ZNF536: variants seen among roughly 807,000 people sequenced by gnomAD.
The protein encoded by ZNF536 is zinc finger protein 536.
A neutral mutation model predicts 84.5 loss-of-function variants in ZNF536; 13 were observed. That is an observed-to-expected ratio of 0.15 (90% CI 0.10 to 0.24). ZNF536 has a LOEUF of 0.24. ZNF536 is among the 10% of genes least tolerant of loss of function. The pLI, the probability that ZNF536 is intolerant of heterozygous loss-of-function variation, is 1.00. For synonymous variants in ZNF536, 811 were observed against 742.5 expected (o/e 1.09, Z -1.50); for missense variants, 1,536 against 1,747.5 (o/e 0.88, Z 2.16).
At chr19:30,695,301 AC>A (rs2051610130) in intron 1 of ZNF536, among the ~76,000 whole-genome samples, 1 of 152,052 alleles carries the variant, frequency 6.6e-6, no homozygotes, top group East Asian at 1.9e-4. Context: ...TGTGGGCTGA[AC>A]CCCCAGAAAG....
At position 30,491,336 on chromosome 19, in the gene ZNF536, G is replaced by T. The variant is rs2054501332; in HGVS notation, c.2171-43511G>T. Among the ~76,000 whole-genome samples, 4 of 152,206 alleles carry T rather than the reference G, an allele frequency of 2.6e-5. 1 individual carries two copies. In the South Asian group the frequency reaches 8.3e-4, roughly 32 times the overall value. Reference sequence around the variant, plus strand: ...GTCTCCTGTTCAGTAAATTTTTCTGGGTTAAGATTGTTCTTCCAAGTTTGT... The same window carrying T: ...GTCTCCTGTTCAGTAAATTTTTCTGTGTTAAGATTGTTCTTCCAAGTTTGT... On this transcript the variant is annotated intron_variant, in intron 2 of 4. Coordinates refer to ENST00000355537, the MANE Select transcript of ZNF536 (RefSeq NM_014717.3).
intron 2 of ZNF536, among the ~76,000 whole-genome samples, chr19:30,449,513 T>C (rs572092538): frequency 6.6e-6 from 1 of 152,306 alleles, no homozygotes; most frequent in Admixed American, 6.5e-5. Flanking sequence ...AAACTTAATG[T>C]ACTAAGAAAT....
chr19:30,612,834 C>A (rs1021649019), intron 1 of ZNF536, among the ~76,000 whole-genome samples: 28 of 152,252 alleles, frequency 1.8e-4, no homozygotes, highest in African/African-American at 6.3e-4. Flanking sequence ...AATCTATAGA[C>A]CTTGTTAAAA....
chr19:30,383,218 A>G (rs1399075601), intron 1 of ZNF536, among the ~76,000 whole-genome samples: 1 of 152,192 alleles, frequency 6.6e-6, no homozygotes, highest in Admixed American at 6.5e-5. Flanking sequence ...TGAACCCAGG[A>G]GGCGGAGGTT....
Position 30,508,285 on chromosome 19 carries a change from C to A in ZNF536, c.2171-26562C>A, listed in dbSNP as rs377124692. Among the ~76,000 whole-genome samples, 23 of 152,252 alleles carry A rather than the reference C, an allele frequency of 1.5e-4. 1 individual carries two copies. In the East Asian group the frequency reaches 2.5e-3, roughly 17 times the overall value. Reference sequence around the variant, plus strand: ...AGCCACCATCTAGGCATGGGGACACCCTTGGGCTGCCATTGCAGACCCCTG... The same window carrying A: ...AGCCACCATCTAGGCATGGGGACACACTTGGGCTGCCATTGCAGACCCCTG... On this transcript the variant is annotated intron_variant, in intron 2 of 4. Coordinates refer to ENST00000355537, the MANE Select transcript of ZNF536 (RefSeq NM_014717.3).
chr19:30,454,989 A>G (rs2052772555), intron 2 of ZNF536, among the ~76,000 whole-genome samples: 1 of 152,140 alleles, frequency 6.6e-6, no homozygotes, highest in Non-Finnish European at 1.5e-5. Context: ...GCCGAGATCA[A>G]GCCATTGCAC....
Position 30,530,039 on chromosome 19 carries a change from G to A in ZNF536, c.2171-4808G>A, listed in dbSNP as rs557824222. On this transcript the variant is annotated intron_variant, in intron 2 of 4. Transcript: ENST00000355537. The stretch of plus-strand genomic sequence containing the variant: ...GCATTAGGCAAGAGAGGGCCTCCCC[G>A]CCTGCAGCCAAAGGTCCCCTCCAGG... 4.6e-5 allele frequency among the ~76,000 whole-genome samples: 7 copies of A among 152,240 alleles called. No homozygotes were observed. The East Asian group carries it at 7.7e-4, about 17-fold the overall frequency.
chr19:30,580,201 G>C (rs752892024), intron 1 of ZNF536, among the ~76,000 whole-genome samples: 1 of 152,202 alleles, frequency 6.6e-6, no homozygotes, highest in Non-Finnish European at 1.5e-5. Flanking sequence ...ATTGGGTCCA[G>C]GCCACAGAGA....
rs561921508 is a variant in ZNF536 at position 30,552,750 on chromosome 19, C to T, written c.3895+3236C>T. Among the ~76,000 whole-genome samples, 4 of 152,284 alleles carry T rather than the reference C, an allele frequency of 2.6e-5. No homozygotes were observed. In the East Asian group the frequency reaches 5.8e-4, roughly 22 times the overall value. On this transcript the variant is annotated intron_variant, in intron 4 of 4. Transcript: ENST00000355537. Reference sequence around the variant, plus strand: ...AACTCTGGTGCAGAAGGAGAGCCACCGAGGGGAGAAGCCGACCCAGCCAGT... The same window carrying T: ...AACTCTGGTGCAGAAGGAGAGCCACTGAGGGGAGAAGCCGACCCAGCCAGT...
chr19:30,474,356 A>AG (rs1247037334), intron 2 of ZNF536, among the ~76,000 whole-genome samples: 2 of 151,814 alleles, frequency 1.3e-5, no homozygotes, highest in African/African-American at 4.8e-5. Context: ...TGAAATGATT[A>AG]GGGGGTTTAT....
chr19:30,588,510 G>T (rs1216395300), intron 1 of ZNF536, among the ~76,000 whole-genome samples: 1 of 152,168 alleles, frequency 6.6e-6, no homozygotes, highest in Non-Finnish European at 1.5e-5. Context: ...TGTGTGAGGG[G>T]ACCACTCACA....
At chr19:30,576,606 G>T (rs932980984) in intron 1 of ZNF536, among the ~76,000 whole-genome samples, 3 of 152,214 alleles carry the variant, frequency 2.0e-5, no homozygotes, top group Admixed American at 1.3e-4. Flanking sequence ...GGACAGCCAG[G>T]TTCTGTTCCT....
intron 1 of ZNF536, among the ~76,000 whole-genome samples, chr19:30,379,048 G>T (rs1288613140): frequency 6.6e-6 from 1 of 152,170 alleles, no homozygotes; most frequent in Non-Finnish European, 1.5e-5. Flanking sequence ...ATGGGCAGTT[G>T]GAAATAACAC....
chr19:30,701,230 C>G (rs139747843), intron 1 of ZNF536, among the ~76,000 whole-genome samples: 307 of 151,898 alleles, frequency 2.0e-3, no homozygotes, highest in Non-Finnish European at 3.8e-3. Flanking sequence ...CAAACACACA[C>G]AGACACACAC....
At chr19:30,382,807 G>A (rs2049074638) in intron 1 of ZNF536, among the ~76,000 whole-genome samples, 1 of 152,054 alleles carries the variant, frequency 6.6e-6, no homozygotes, top group Non-Finnish European at 1.5e-5. Flanking sequence ...GCGGTGGGCG[G>A]CTCTGACTTC....
At chr19:30,662,962 C>CTTTTTTTTTTTTTTTTTTTT (rs951081577) in intron 1 of ZNF536, among the ~76,000 whole-genome samples, 2 of 78,766 alleles carry the variant, frequency 2.5e-5, no homozygotes, top group East Asian at 3.9e-4. Flanking sequence ...TTTTTCGTTT[C>CTTTTTTTTTTTTTTTTTTTT]TTTTTTTTTT....
chr19:30,473,885 C>T (rs2053741514), intron 2 of ZNF536, among the ~76,000 whole-genome samples: 1 of 152,220 alleles, frequency 6.6e-6, no homozygotes, highest in African/African-American at 2.4e-5. Flanking sequence ...GATCTCAGTT[C>T]CACCAGGCAC....
intron 3 of ZNF536, among the ~76,000 whole-genome samples, chr19:30,355,229 A>G (rs988574985): frequency 1.3e-5 from 2 of 152,000 alleles, no homozygotes; most frequent in Non-Finnish European, 2.9e-5. Flanking sequence ...GAGAAGCAGG[A>G]GCATCACAGG....
chr19:30,630,837 G>A (rs541142462), intron 1 of ZNF536, among the ~76,000 whole-genome samples: 10 of 152,332 alleles, frequency 6.6e-5, no homozygotes, highest in Admixed American at 2.6e-4. Context: ...GCCACTTGCT[G>A]AAAAATTAAT....
Sources: gnomAD v4.1 joint callset for allele counts (sites outside exome capture counted in the v4.1 genomes callset) on GRCh38, gnomAD v4.1.1 for gene constraint, MANE v1.5 for transcripts, NCBI Gene and HGNC (gene_info 2026-07-23, HGNC 2026-07-21) for gene names.